The following ADGRG6 variants were observed in gnomAD, a reference collection of about 807,000 sequenced individuals.
ADGRG6 encodes adhesion G protein-coupled receptor G6, also known as G-protein coupled receptor 126.
A neutral mutation model predicts 142.4 loss-of-function variants in ADGRG6; 84 were observed. The observed-to-expected ratio is 0.59, with a 90% CI of 0.49 to 0.71. ADGRG6 has a LOEUF of 0.71. ADGRG6 is among the 30% of genes least tolerant of loss of function. ADGRG6 has a pLI of 0.00. For missense variants in ADGRG6, 1,367 were observed against 1,466.6 expected (o/e 0.93, Z 1.11); for synonymous variants, 521 against 520.5 (o/e 1.00, Z -0.01).
intron 2 of ADGRG6, among the ~76,000 whole-genome samples, chr6:142,319,468 A>G (rs1179506012): frequency 6.6e-6 from 1 of 152,152 alleles, no homozygotes; most frequent in Non-Finnish European, 1.5e-5. Context: ...GTCTATTGAC[A>G]TTCAAATTTT....
At chr6:142,323,454 C>A (rs904564223) in intron 2 of ADGRG6, among the ~76,000 whole-genome samples, 1 of 152,032 alleles carries the variant, frequency 6.6e-6, no homozygotes, top group African/African-American at 2.4e-5. Context: ...GGATATTTTG[C>A]TATACAGGAC....
At chr6:142,330,786 T>C (rs1401554714) in intron 2 of ADGRG6, among the ~76,000 whole-genome samples, 2 of 152,126 alleles carry the variant, frequency 1.3e-5, no homozygotes, top group Non-Finnish European at 2.9e-5. Flanking sequence ...TACAACTTAC[T>C]CTTTCCATTT....
At chr6:142,318,089 A>G (rs1286414010) in intron 2 of ADGRG6, among the ~76,000 whole-genome samples, 1 of 39,780 alleles carries the variant, frequency 2.5e-5, no homozygotes, top group East Asian at 1.1e-3. Context: ...TTATATATTT[A>G]TATTATATAT....
At position 142,367,819 on chromosome 6, in the gene ADGRG6, A is replaced by G. The variant is rs140723393; in HGVS notation, c.354A>G (p.Leu118=). The G allele has an allele frequency of 1.6e-3, 2,525 of 1,613,870 alleles. 18 individuals carry two copies. In the Middle Eastern group the frequency reaches 0.026, roughly 16 times the overall value. ...TKFCGATAKG[L]SFNSSANEMH... ...TTTGTGGAGCAACTGCCAAAGGCCT[A>G]TCATTTAACTCAAGTGCGAATGAGA... Residue 118 remains leucine, a synonymous_variant, in exon 3 of 25, where the codon CTA becomes CTG. Transcript: ENST00000367609.
At chr6:142,365,961 TA>T (rs1414441789) in intron 2 of ADGRG6, among the ~76,000 whole-genome samples, 1 of 152,252 alleles carries the variant, frequency 6.6e-6, no homozygotes, top group African/African-American at 2.4e-5. Flanking sequence ...TTTTCATTAA[TA>T]TTTTTTAAGT....
chr6:142,314,066 T>G (rs1444436272), intron 2 of ADGRG6, among the ~76,000 whole-genome samples: 14 of 152,236 alleles, frequency 9.2e-5, no homozygotes, highest in Non-Finnish European at 1.5e-5. Context: ...GCTGTTTTTC[T>G]GTTTCAGACC....
intron 9 of ADGRG6, among the ~76,000 whole-genome samples, chr6:142,396,291 TCA>T (rs1181588655): frequency 3.9e-5 from 6 of 152,188 alleles, no homozygotes. Context: ...ACATCTATGT[TCA>T]CAGCTATCAT....
intron 2 of ADGRG6, among the ~76,000 whole-genome samples, chr6:142,352,698 T>C (rs1010975691): frequency 2.6e-5 from 4 of 152,330 alleles, no homozygotes; most frequent in African/African-American, 9.6e-5. Context: ...GAAATATACA[T>C]GTCAAGTAGA....
At chr6:142,392,214 A>T (rs75619717) in intron 7 of ADGRG6, among the ~76,000 whole-genome samples, 196 of 152,050 alleles carry the variant, frequency 1.3e-3, no homozygotes, top group East Asian at 7.9e-3. Context: ...GGCCTAAATC[A>T]CTATTCGGAG....
Position 142,402,009 on chromosome 6 carries a change from C to T in ADGRG6, c.1695C>T (p.Thr565=). The change falls in exon 12 of 25, where the codon ACC becomes ACT. Residue 565 remains threonine, a synonymous_variant. Coordinates refer to ENST00000367609, the MANE Select transcript of ADGRG6 (RefSeq NM_198569.3). The part of the protein sequence containing the change: ...SASRICFYNA[T]NPLVTYWGPV... ...TGTTTCATAGTTTTTACAATGCTACCAACCCATTGGTAACCTACTGGGGAC... is the reference window on the plus strand; with the variant it reads ...TGTTTCATAGTTTTTACAATGCTACTAACCCATTGGTAACCTACTGGGGAC... 6.6e-7 allele frequency: 1 copy of T among 1,518,818 alleles called. No homozygotes were observed. The highest frequency in any genetic ancestry group is 9.1e-7 in the Non-Finnish European group (1 of 1,102,942). The allele number at this position is 1,518,818 out of a possible 1,614,324, so 94.1% of individuals were successfully genotyped here.
At chr6:142,318,801 A>G (rs1305533578) in intron 2 of ADGRG6, among the ~76,000 whole-genome samples, 1 of 151,982 alleles carries the variant, frequency 6.6e-6, no homozygotes, top group Non-Finnish European at 1.5e-5. Flanking sequence ...TCATTACTAG[A>G]ATAAAGGGTC....
At chr6:142,317,630 G>GGT (rs1410237622) in intron 2 of ADGRG6, among the ~76,000 whole-genome samples, 1 of 141,898 alleles carries the variant, frequency 7.0e-6, no homozygotes, top group Non-Finnish European at 1.5e-5. Context: ...ATAAATGAGC[G>GGT]GTGTGTGTGT....
chr6:142,386,586 G>A (rs1782036360), intron 6 of ADGRG6, among the ~76,000 whole-genome samples: 1 of 152,120 alleles, frequency 6.6e-6, no homozygotes, highest in African/African-American at 2.4e-5. Flanking sequence ...CTGCCACCAA[G>A]CAGTTCCAAA....
intron 4 of ADGRG6, 133 bp downstream of exon 4, chr6:142,370,926 G>A: frequency 2.2e-6 from 2 of 898,774 alleles, no homozygotes; most frequent in Non-Finnish European, 3.4e-6. Flanking sequence ...ATATATATAT[G>A]TTGTCATTAA....
chr6:142,397,322 A>G (rs539382408), intron 9 of ADGRG6, among the ~76,000 whole-genome samples: 85 of 152,214 alleles, frequency 5.6e-4, no homozygotes, highest in African/African-American at 2.0e-3. Context: ...TATGCTTTAA[A>G]TGACTATATA....
intron 3 of ADGRG6, among the ~76,000 whole-genome samples, chr6:142,368,923 T>G (rs1781081679): frequency 6.6e-6 from 1 of 152,154 alleles, no homozygotes; most frequent in Non-Finnish European, 1.5e-5. Context: ...TTTCTAGGCT[T>G]TTAATTTTAA....
intron 2 of ADGRG6, among the ~76,000 whole-genome samples, chr6:142,350,318 G>A (rs184587947): frequency 3.0e-4 from 45 of 152,218 alleles, no homozygotes; most frequent in Non-Finnish European, 4.4e-4. Context: ...TTTAATTAGC[G>A]GTGTCCTCTT....
intron 2 of ADGRG6, among the ~76,000 whole-genome samples, chr6:142,336,710 A>G (rs1169858525): frequency 6.6e-6 from 1 of 152,214 alleles, no homozygotes; most frequent in Non-Finnish European, 1.5e-5. Context: ...TAACACACAC[A>G]TGCATATTTA....
chr6:142,367,404 C>A (rs1410283528), intron 2 of ADGRG6, among the ~76,000 whole-genome samples, 165 bp from the exon 3 acceptor site: 1 of 151,984 alleles, frequency 6.6e-6, no homozygotes, highest in Non-Finnish European at 1.5e-5. Context: ...ATTGATAATT[C>A]TTTTTCTCCT....
Sources: gnomAD v4.1 joint callset for allele counts (sites outside exome capture counted in the v4.1 genomes callset) on GRCh38, gnomAD v4.1.1 for gene constraint, MANE v1.5 for transcripts, NCBI Gene and HGNC (gene_info 2026-07-23, HGNC 2026-07-21) for gene names.